The following SMARCC1 variants were observed in gnomAD, a reference collection of about 807,000 sequenced individuals.
SMARCC1 encodes SWI/SNF related BAF chromatin remodeling complex subunit C1.
Under a neutral mutation model 147.4 loss-of-function variants are expected in SMARCC1, and 43 were observed. That is an observed-to-expected ratio of 0.29 (90% CI 0.23 to 0.38). SMARCC1 has a LOEUF of 0.38. Among genes scored for constraint, SMARCC1 ranks in the 10% least tolerant of loss-of-function variants. The pLI, the probability that SMARCC1 is intolerant of heterozygous loss-of-function variation, is 1.00. For missense variants in SMARCC1, 1,119 were observed against 1,381.1 expected, an observed-to-expected ratio of 0.81 and a Z score of 3.01; for synonymous variants, 495 against 484.4, an observed-to-expected ratio of 1.02 and a Z score of -0.29.
chr3:47,781,637 G>A lies in SMARCC1; in HGVS notation c.161C>T (p.Ser54Leu), dbSNP rs1269050085. 4.5e-6 allele frequency: 7 copies of A among 1,552,472 alleles called. No individual in the cohort carries two copies. In the South Asian group the frequency reaches 4.7e-5, roughly 10 times the overall value. The change falls in exon 1 of 28, where the codon TCG becomes TTG. Residue 54 changes from serine (S) to leucine (L), a missense_variant. Around this residue, in one of 6 missense-constraint regions of SMARCC1, gnomAD observed 542 missense variants for 611.8 expected, o/e 0.89. Transcript: ENST00000254480. Reference sequence around the variant, plus strand: ...GTGCTTGCCCAGCCAGACCCGCACCGAATCCAGCTGGGACACCGTCTCCGG... The same window carrying A: ...GTGCTTGCCCAGCCAGACCCGCACCAAATCCAGCTGGGACACCGTCTCCGG... Reference protein sequence around the residue: ...ESPETVSQLDSVRVWLGKHYK... With the variant: ...ESPETVSQLDLVRVWLGKHYK...
chr3:47,738,144 T>C, intron 3 of SMARCC1, 34 bp from the exon 4 acceptor site: 1 of 1,440,726 alleles, frequency 6.9e-7, no homozygotes, highest in Non-Finnish European at 9.5e-7. Flanking sequence ...TTAATTTGTC[T>C]CCCAGCTTAA....
intron 23 of SMARCC1, among the ~76,000 whole-genome samples, chr3:47,635,563 G>C (rs549474644): frequency 2.4e-4 from 36 of 152,106 alleles, no homozygotes; most frequent in Non-Finnish European, 4.6e-4. Flanking sequence ...CTATCATTTT[G>C]CTAAGTTCTA....
At chr3:47,701,557 G>T in intron 10 of SMARCC1, 155 bp from the exon 11 acceptor site, 1 of 679,268 alleles carries the variant, frequency 1.5e-6, no homozygotes, top group Non-Finnish European at 2.5e-6. Flanking sequence ...GTTCATGCCT[G>T]TAATCAGAGC....
chr3:47,682,471 G>C (rs2033665374), intron 14 of SMARCC1, among the ~76,000 whole-genome samples: 1 of 151,992 alleles, frequency 6.6e-6, no homozygotes, highest in African/African-American at 2.4e-5. Context: ...GTAGAGACGG[G>C]TATCACTATG....
chr3:47,673,550 G>A (rs1576406991), intron 18 of SMARCC1, among the ~76,000 whole-genome samples: 1 of 152,100 alleles, frequency 6.6e-6, no homozygotes, highest in Admixed American at 6.5e-5. Flanking sequence ...TTAGCCAGGC[G>A]TGGTGGCACA....
chr3:47,704,929 G>A (rs2033973016), intron 10 of SMARCC1, among the ~76,000 whole-genome samples: 1 of 137,618 alleles, frequency 7.3e-6, no homozygotes, highest in Non-Finnish European at 1.6e-5. Flanking sequence ...AAAAAAAGAT[G>A]AAATGTTAAA....
At chr3:47,638,247 C>A (rs2032999874) in intron 22 of SMARCC1, among the ~76,000 whole-genome samples, 1 of 152,156 alleles carries the variant, frequency 6.6e-6, no homozygotes, top group African/African-American at 2.4e-5. Flanking sequence ...CACCCACCAC[C>A]ACGCCTGGCT....
chr3:47,607,586 G>A (rs1436775902), intron 26 of SMARCC1, among the ~76,000 whole-genome samples: 1 of 152,200 alleles, frequency 6.6e-6, no homozygotes, highest in African/African-American at 2.4e-5. Context: ...GAGAAGGAAT[G>A]TGGGGTTTGG....
chr3:47,767,640 C>T (rs1285106022), intron 2 of SMARCC1, among the ~76,000 whole-genome samples: 2 of 137,858 alleles, frequency 1.5e-5, no homozygotes, highest in Non-Finnish European at 3.1e-5. Flanking sequence ...GAGGCCGAGG[C>T]GGGTGGATCA....
At chr3:47,773,532 A>G (rs1371165689) in intron 1 of SMARCC1, among the ~76,000 whole-genome samples, 3 of 152,174 alleles carry the variant, frequency 2.0e-5, no homozygotes, top group Non-Finnish European at 4.4e-5. Context: ...ATAATGGGTA[A>G]CACAACAAGA....
At chr3:47,662,256 G>T in intron 20 of SMARCC1, 78 bp downstream of exon 20, 1 of 1,162,052 alleles carries the variant, frequency 8.6e-7, no homozygotes, top group Non-Finnish European at 1.2e-6. Flanking sequence ...TAAAAGAAAT[G>T]AATGTAACGG....
At chr3:47,700,353 T>A (rs1040458587) in intron 11 of SMARCC1, among the ~76,000 whole-genome samples, 3 of 152,150 alleles carry the variant, frequency 2.0e-5, no homozygotes, top group Non-Finnish European at 4.4e-5. Flanking sequence ...CAAAGATGGG[T>A]GAAGAAGGCT....
intron 15 of SMARCC1, among the ~76,000 whole-genome samples, chr3:47,678,889 G>A (rs542764169): frequency 2.0e-5 from 3 of 152,130 alleles, no homozygotes; most frequent in Non-Finnish European, 4.4e-5. Context: ...TATCACTTCT[G>A]TATTTCACAC....
At chr3:47,735,256 T>C (rs998225624) in intron 5 of SMARCC1, among the ~76,000 whole-genome samples, 4 of 150,770 alleles carry the variant, frequency 2.7e-5, no homozygotes, top group African/African-American at 7.3e-5. Flanking sequence ...AAGCACACTT[T>C]ACAATAAGAC....
chr3:47,630,591 C>T (rs988182234), intron 24 of SMARCC1, among the ~76,000 whole-genome samples: 1 of 152,158 alleles, frequency 6.6e-6, no homozygotes, highest in Non-Finnish European at 1.5e-5. Context: ...AAAAATGAAA[C>T]TGAACAGGAC....
intron 6 of SMARCC1, among the ~76,000 whole-genome samples, chr3:47,728,078 C>CTTTTTTTT (rs1166964500): frequency 1.6e-4 from 9 of 56,876 alleles, no homozygotes; most frequent in South Asian, 8.2e-4. Flanking sequence ...TTATTAGTCC[C>CTTTTTTTT]TTTTTTTTTT....
At chr3:47,662,655 A>G in intron 19 of SMARCC1, 63 bp from the exon 20 acceptor site, 1 of 1,377,398 alleles carries the variant, frequency 7.3e-7, no homozygotes, top group Non-Finnish European at 1.0e-6. Context: ...TAATATTAGA[A>G]GTTCTTTAGA....
intron 24 of SMARCC1, among the ~76,000 whole-genome samples, chr3:47,629,693 C>T (rs1453488054): frequency 1.3e-5 from 2 of 152,076 alleles, no homozygotes; most frequent in Non-Finnish European, 2.9e-5. Context: ...GCCATCTCAG[C>T]CGAGGCATAG....
chr3:47,614,223 T>C (rs1474994612), intron 25 of SMARCC1, among the ~76,000 whole-genome samples: 1 of 152,230 alleles, frequency 6.6e-6, no homozygotes, highest in Non-Finnish European at 1.5e-5. Context: ...GCTACTTCCA[T>C]GTGTACTTCT....
Sources: allele counts gnomAD v4.1 joint callset (sites outside exome capture counted in the v4.1 genomes callset), GRCh38; gene constraint gnomAD v4.1.1; regional missense constraint gnomAD v4.1.1; transcripts MANE v1.5; gene names NCBI Gene and HGNC (gene_info 2026-07-23, HGNC 2026-07-21).